The following SLMAP variants were observed in gnomAD, a reference collection of about 807,000 sequenced individuals.
The protein encoded by SLMAP is sarcolemmal membrane-associated protein.
In SLMAP, 44 loss-of-function variants were observed where a neutral mutation model predicts 128.8. That is an observed-to-expected ratio of 0.34 (90% CI 0.27 to 0.44). The LOEUF (loss-of-function observed/expected upper bound fraction) is 0.44, where lower values mean the gene tolerates loss of function less well. Ranked by LOEUF, SLMAP falls within the 20% of genes least tolerant of loss-of-function variation. The pLI, the probability that SLMAP is intolerant of heterozygous loss-of-function variation, is 1.00. For missense variants in SLMAP, 787 were observed against 985.3 expected, an observed-to-expected ratio of 0.80 and a Z score of 2.69; for synonymous variants, 327 against 348.8, an observed-to-expected ratio of 0.94 and a Z score of 0.70.
intron 2 of SLMAP, among the ~76,000 whole-genome samples, chr3:57,828,248 C>G (rs547974270): frequency 5.9e-5 from 9 of 152,208 alleles, no homozygotes; most frequent in Non-Finnish European, 1.2e-4. Context: ...CGTAGGCCAT[C>G]ATGCCCAGCC....
At chr3:57,906,050 T>TAA (rs1168626870) in intron 17 of SLMAP, among the ~76,000 whole-genome samples, 1,405 of 105,924 alleles carry the variant, frequency 0.013, 19 homozygotes, top group African/African-American at 0.037. Flanking sequence ...AAATACTCCT[T>TAA]AAAAAAAAAA....
At position 57,929,583 on chromosome 3, in the gene SLMAP, G is replaced by A. The variant is rs1413381804; in HGVS notation, c.*2294G>A. Among the ~76,000 whole-genome samples the A allele has an allele frequency of 6.6e-6, 1 of 152,102 alleles. No homozygotes were observed. Among genetic ancestry groups the A allele is most frequent in the Non-Finnish European group, 1.5e-5 (1 of 68,016 alleles). ...AAATAAAGAATAGGATTATTCACTG[G>A]TAATAATAGAGTCATTAAGAAATAT... On this transcript the variant is annotated 3_prime_UTR_variant, in exon 25 of 25. Coordinates refer to ENST00000671191, the MANE Select transcript of SLMAP (RefSeq NM_001377540.1).
intron 14 of SLMAP, among the ~76,000 whole-genome samples, chr3:57,882,504 A>T (rs1233152776): frequency 5.3e-5 from 8 of 152,242 alleles, no homozygotes; most frequent in Non-Finnish European, 1.2e-4. Context: ...AGAAGAACTT[A>T]AACACCTTTT....
chr3:57,766,418 T>C (rs1033951643), intron 2 of SLMAP, among the ~76,000 whole-genome samples: 3 of 152,068 alleles, frequency 2.0e-5, no homozygotes, highest in Admixed American at 6.6e-5. Context: ...AGTGAAAAGA[T>C]TGTGAAGTTA....
At chr3:57,857,546 G>A (rs1484326059) in intron 6 of SLMAP, among the ~76,000 whole-genome samples, 187 bp from the exon 7 acceptor site, 4 of 152,090 alleles carry the variant, frequency 2.6e-5, no homozygotes, top group African/African-American at 9.7e-5. Context: ...CTGAAACTGT[G>A]GAAAGGGAAA....
chr3:57,778,570 CTTT>C (rs1171049495), intron 2 of SLMAP, among the ~76,000 whole-genome samples: 1 of 115,120 alleles, frequency 8.7e-6, no homozygotes, highest in African/African-American at 3.1e-5. Context: ...TTCTTTCTTT[CTTT>C]TTTTTTTTTT....
chr3:57,893,157 T>TA (rs985684623), intron 15 of SLMAP, among the ~76,000 whole-genome samples: 94 of 150,838 alleles, frequency 6.2e-4, no homozygotes, highest in African/African-American at 1.5e-3. Context: ...AATCATCCTT[T>TA]AAAAAAAAAT....
chr3:57,895,508 G>C (rs1227043260), intron 15 of SLMAP, among the ~76,000 whole-genome samples: 2 of 151,802 alleles, frequency 1.3e-5, no homozygotes, highest in Non-Finnish European at 2.9e-5. Context: ...CTAATTTTTT[G>C]TATTTTTTGT....
At chr3:57,787,612 A>G (rs1283127552) in intron 2 of SLMAP, among the ~76,000 whole-genome samples, 1 of 152,158 alleles carries the variant, frequency 6.6e-6, no homozygotes, top group South Asian at 2.1e-4. Context: ...GAGAGCTGGG[A>G]TTACAGGCAT....
intron 8 of SLMAP, among the ~76,000 whole-genome samples, chr3:57,860,027 G>T (rs1375794028): frequency 6.6e-6 from 1 of 152,128 alleles, no homozygotes; most frequent in Non-Finnish European, 1.5e-5. Flanking sequence ...AAACATATTT[G>T]ATGTATTTAA....
intron 8 of SLMAP, among the ~76,000 whole-genome samples, chr3:57,859,181 G>T (rs1410968476): frequency 2.0e-5 from 3 of 151,826 alleles, no homozygotes; most frequent in Non-Finnish European, 1.5e-5. Flanking sequence ...AAAATTAGCT[G>T]GACATGGTGG....
intron 22 of SLMAP, among the ~76,000 whole-genome samples, chr3:57,921,548 C>T (rs977432820): frequency 1.3e-5 from 2 of 152,020 alleles, no homozygotes; most frequent in Non-Finnish European, 2.9e-5. Flanking sequence ...ATCACTTGAA[C>T]CTGGGAGGCG....
intron 2 of SLMAP, among the ~76,000 whole-genome samples, chr3:57,828,890 C>A (rs987478602): frequency 6.6e-6 from 1 of 152,074 alleles, no homozygotes; most frequent in Non-Finnish European, 1.5e-5. Flanking sequence ...AAGCCATCCT[C>A]CCAGCTCAAC....
chr3:57,758,192 A>G (rs1283582502), intron 2 of SLMAP, among the ~76,000 whole-genome samples: 1 of 152,238 alleles, frequency 6.6e-6, no homozygotes, highest in Non-Finnish European at 1.5e-5. Context: ...TTTATTAAGC[A>G]AGCAGCAGTT....
chr3:57,890,224 C>T (rs1159513822), intron 15 of SLMAP, 124 bp downstream of exon 15: 64 of 756,008 alleles, frequency 8.5e-5, no homozygotes, highest in Non-Finnish European at 1.3e-4. Context: ...AATAGCAAGC[C>T]AGTAACAGTA....
intron 3 of SLMAP, among the ~76,000 whole-genome samples, chr3:57,838,534 A>T (rs1431054511): frequency 6.6e-6 from 1 of 152,240 alleles, no homozygotes; most frequent in South Asian, 2.1e-4. Context: ...ATAATCCTTG[A>T]TGCCCTCAAA....
intron 14 of SLMAP, among the ~76,000 whole-genome samples, chr3:57,883,002 C>A (rs2095788589): frequency 6.6e-6 from 1 of 151,718 alleles, no homozygotes; most frequent in African/African-American, 2.4e-5. Context: ...AAAAAAAAAA[C>A]TTCTCTACTT....
Position 57,925,830 on chromosome 3 carries a change from C to G in SLMAP, c.2446-15C>G, listed in dbSNP as rs1014985791. 19 of 1,527,536 alleles carry G rather than the reference C, an allele frequency of 1.2e-5. No homozygotes were observed. The East Asian group carries it at 2.7e-4, about 22-fold the overall frequency. 94.6% of individuals were successfully genotyped at this position (1,527,536 alleles called of 1,614,324 possible). On this transcript the variant is annotated splice_polypyrimidine_tract_variant and intron_variant, in intron 23 of 24. Transcript: ENST00000671191. ...CATAGCATAAAATGATTTTAATATG[C>G]CTTCCCTTCTTTAGCCTTCCATATT...
intron 2 of SLMAP, among the ~76,000 whole-genome samples, chr3:57,825,796 T>C (rs1435110279): frequency 6.6e-6 from 1 of 152,216 alleles, no homozygotes. Context: ...TGCAGGCTGA[T>C]GTCTCCAAGA....
Sources: gnomAD v4.1 joint callset for allele counts (sites outside exome capture counted in the v4.1 genomes callset) on GRCh38, gnomAD v4.1.1 for gene constraint, MANE v1.5 for transcripts, NCBI Gene and HGNC (gene_info 2026-07-23, HGNC 2026-07-21) for gene names.